The following KCNQ1 variants were observed in gnomAD, a reference collection of about 807,000 sequenced individuals.
KCNQ1 encodes the protein potassium voltage-gated channel subfamily KQT member 1.
In KCNQ1, 49 loss-of-function variants were observed where a neutral mutation model predicts 72.4. The ratio of observed to expected loss-of-function variants is 0.68; its 90% CI spans 0.54 to 0.86. KCNQ1 has a LOEUF of 0.86. Ranked by LOEUF, KCNQ1 falls within the 40% of genes least tolerant of loss-of-function variation. The pLI is 0.00. For synonymous variants in KCNQ1, 450 were observed against 412.6 expected (o/e 1.09, Z -1.10); for missense variants, 790 against 945.1 (o/e 0.84, Z 2.15).
intron 11 of KCNQ1, among the ~76,000 whole-genome samples, chr11:2,718,251 C>T (rs1411994469): frequency 6.6e-6 from 1 of 152,240 alleles, no homozygotes; most frequent in African/African-American, 2.4e-5. Context: ...TGTGCTTGCT[C>T]TGGGCTTCAG....
intron 1 of KCNQ1, among the ~76,000 whole-genome samples, chr11:2,454,658 T>G (rs1264827190): frequency 6.6e-6 from 1 of 152,042 alleles, no homozygotes; most frequent in African/African-American, 2.4e-5. Flanking sequence ...TAAACAGAAT[T>G]AAAAACAAAA....
rs998095445 is a variant in KCNQ1, at chr11:2,781,481, C to T, written c.1794+3444C>T. On this transcript the variant is annotated intron_variant, in intron 15 of 15. Transcript: ENST00000155840. The surrounding 1 kb of genome is among the most constrained non-coding windows in gnomAD (Gnocchi z 6.6). Reference sequence around the variant, plus strand: ...AGTGTGGGCCAGGGACCAATGCAGGCGGTCGGGAGAGGTCCGGAGAGAGCT... The same window carrying T: ...AGTGTGGGCCAGGGACCAATGCAGGTGGTCGGGAGAGGTCCGGAGAGAGCT... Among the ~76,000 whole-genome samples the T allele has an allele frequency of 2.6e-5, 4 of 152,326 alleles. No individual in the cohort carries two copies. The highest frequency in any genetic ancestry group is 2.1e-4 in the South Asian group (1 of 4,828).
In KCNQ1 at chr11:2,538,077, G is replaced by A. The variant is rs72847674; in HGVS notation, c.477+10059G>A. Reference sequence around the variant, plus strand: ...TTGGAGGCAGTATGACCGTTTCTCCGTATAAAGCCCGTGTATATCCTCTGG... The same window carrying A: ...TTGGAGGCAGTATGACCGTTTCTCCATATAAAGCCCGTGTATATCCTCTGG... On this transcript the variant is annotated intron_variant, in intron 2 of 15. Coordinates refer to ENST00000155840, the MANE Select transcript of KCNQ1 (RefSeq NM_000218.3). This position sits in a 1 kb window ranked among gnomAD's most constrained non-coding sequence, Gnocchi z 6.7. Among the ~76,000 whole-genome samples, 2 of 152,058 alleles carry A rather than the reference G, an allele frequency of 1.3e-5. No individual in the cohort carries two copies. Among genetic ancestry groups the A allele is most frequent in the African/African-American group, 2.4e-5 (1 of 41,398 alleles).
At chr11:2,831,037 G>A (rs1197573558) in intron 15 of KCNQ1, among the ~76,000 whole-genome samples, 1 of 152,220 alleles carries the variant, frequency 6.6e-6, no homozygotes, top group East Asian at 1.9e-4. Context: ...CGCCCAATGG[G>A]CCCCCTGAGG....
chr11:2,594,043 T>C (rs539784125), intron 10 of KCNQ1, among the ~76,000 whole-genome samples: 1 of 152,340 alleles, frequency 6.6e-6, no homozygotes, highest in Non-Finnish European at 1.5e-5. Context: ...CTGCATACAT[T>C]GAGATATTTA....
intron 11 of KCNQ1, chr11:2,665,074 G>A: frequency 2.5e-6 from 1 of 398,508 alleles, no homozygotes; most frequent in Non-Finnish European, 4.4e-6. Flanking sequence ...ACAAGCTGAG[G>A]CACGGGGTAC....
In KCNQ1 at chr11:2,583,426, T is replaced by A; in HGVS notation, c.922-9T>A. The A allele has an allele frequency of 6.2e-7, 1 of 1,600,366 alleles. No homozygotes were observed. Among genetic ancestry groups the A allele is most frequent in the Non-Finnish European group, 8.6e-7 (1 of 1,167,772 alleles). Reference sequence around the variant, plus strand: ...CATCCGTGGCTGACCACTGTCCCTCTCCCTGCAGGTCACAGTCACCACCAT... The same window carrying A: ...CATCCGTGGCTGACCACTGTCCCTCACCCTGCAGGTCACAGTCACCACCAT... On this transcript the variant is annotated splice_polypyrimidine_tract_variant and intron_variant, in intron 6 of 15. Coordinates refer to ENST00000155840, the MANE Select transcript of KCNQ1 (RefSeq NM_000218.3).
intron 15 of KCNQ1, among the ~76,000 whole-genome samples, chr11:2,812,412 T>C (rs1847507933): frequency 6.6e-6 from 1 of 151,874 alleles, no homozygotes; most frequent in Non-Finnish European, 1.5e-5. Context: ...GCTCGGGGGC[T>C]CCAGTTGAAA....
intron 15 of KCNQ1, among the ~76,000 whole-genome samples, chr11:2,814,413 G>C (rs1400253130): frequency 6.6e-6 from 1 of 151,466 alleles, no homozygotes; most frequent in Non-Finnish European, 1.5e-5. Context: ...AAGGATGGTG[G>C]GTGGGTGGAT....
chr11:2,835,987 C>T (rs1354016411), intron 15 of KCNQ1, among the ~76,000 whole-genome samples: 1 of 151,586 alleles, frequency 6.6e-6, no homozygotes, highest in African/African-American at 2.4e-5. Context: ...AGGTGGGAAT[C>T]GAAGTCATAG....
chr11:2,838,227 C>T (rs1164673125), intron 15 of KCNQ1, among the ~76,000 whole-genome samples: 1 of 152,242 alleles, frequency 6.6e-6, no homozygotes, highest in African/African-American at 2.4e-5. Context: ...TGGCTCACAG[C>T]CACTGGCAGG....
rs545512553 is a variant in KCNQ1, at chr11:2,726,726, C to T, written c.1515-42118C>T. Among the ~76,000 whole-genome samples, 6 of 152,268 alleles carry T rather than the reference C, an allele frequency of 3.9e-5. No individual in the cohort carries two copies. The South Asian group carries it at 6.2e-4, about 16-fold the overall frequency. On this transcript the variant is annotated intron_variant, in intron 11 of 15. Transcript: ENST00000155840. ...GCCTGAATAGGAGCTGACTTTAATA[C>T]GGGGGAAATAGTGATTTTAAAGCCG...
intron 15 of KCNQ1, among the ~76,000 whole-genome samples, chr11:2,835,736 G>A (rs1274506516): frequency 1.3e-5 from 2 of 152,204 alleles, no homozygotes; most frequent in East Asian, 3.8e-4. Context: ...GCCCTGGCAA[G>A]GGACTTAAGT....
intron 15 of KCNQ1, among the ~76,000 whole-genome samples, chr11:2,795,214 A>G (rs1847107396): frequency 1.3e-5 from 2 of 152,176 alleles, no homozygotes; most frequent in African/African-American, 2.4e-5. Context: ...TGTAGGGATG[A>G]GGTAGGAGTG....
Position 2,818,265 on chromosome 11 carries a change from C to T in KCNQ1, c.1795-29502C>T, listed in dbSNP as rs1032173566. Among the ~76,000 whole-genome samples the T allele has an allele frequency of 3.3e-5, 5 of 152,180 alleles. No homozygotes were observed. Among genetic ancestry groups the T allele is most frequent in the Middle Eastern group, 3.2e-3 (1 of 316 alleles). ...AGGAATGGCGTCCTTGTGCCCTTGT[C>T]ACCCACTCCTGTGGGTACACAGCTT... On this transcript the variant is annotated intron_variant, in intron 15 of 15. Coordinates refer to ENST00000155840, the MANE Select transcript of KCNQ1 (RefSeq NM_000218.3). This position sits in a 1 kb window ranked among gnomAD's most constrained non-coding sequence, Gnocchi z 7.2.
intron 6 of KCNQ1, among the ~76,000 whole-genome samples, chr11:2,577,942 A>G (rs1848447136): frequency 6.7e-6 from 1 of 150,108 alleles, no homozygotes; most frequent in South Asian, 2.1e-4. Context: ...CTCCACCTTC[A>G]TTGGCCCTGC....
chr11:2,549,580 C>T lies in KCNQ1; in HGVS notation c.478-21048C>T, dbSNP rs1177722417. Among the ~76,000 whole-genome samples, 1 of 150,138 alleles carries T rather than the reference C, an allele frequency of 6.7e-6. No individual in the cohort carries two copies. The highest frequency in any genetic ancestry group is 1.5e-5 in the Non-Finnish European group (1 of 67,844). ...CTGTTGTGGAGCCTCGTGACCTGCT[C>T]ATAGCACAGCTGGGACACTTCCAGT... On this transcript the variant is annotated intron_variant, in intron 2 of 15. Coordinates refer to ENST00000155840, the MANE Select transcript of KCNQ1 (RefSeq NM_000218.3). The surrounding 1 kb of genome is among the most constrained non-coding windows in gnomAD (Gnocchi z 6.2).
At chr11:2,635,684 T>C (rs1308833932) in intron 10 of KCNQ1, 4 of 152,178 alleles carry the variant, frequency 2.6e-5, no homozygotes, top group Admixed American at 2.0e-4. Context: ...TGGTTCCATA[T>C]GAACTTTAAA....
In KCNQ1 at chr11:2,651,027, G is replaced by T. The variant is rs1422998752; in HGVS notation, c.1394-10934G>T. 5.0e-6 allele frequency: 2 copies of T among 398,502 alleles called. No homozygotes were observed. Among genetic ancestry groups the T allele is most frequent in the East Asian group, 7.1e-5 (2 of 28,102 alleles). 24.7% of individuals were successfully genotyped at this position (398,502 alleles called of 1,614,324 possible). On this transcript the variant is annotated intron_variant, in intron 10 of 15. Transcript: ENST00000155840. This position sits in a 1 kb window ranked among gnomAD's most constrained non-coding sequence, Gnocchi z 6.1. ...ACCTAGTCTCTCCAGCTATCTCCCT[G>T]GTTAAAACCACCACCATTTCTCTGC...
Sources: allele counts gnomAD v4.1 joint callset (sites outside exome capture counted in the v4.1 genomes callset), GRCh38; gene constraint gnomAD v4.1.1; non-coding constraint Gnocchi (gnomAD v3.1); transcripts MANE v1.5; gene names NCBI Gene and HGNC (gene_info 2026-07-23, HGNC 2026-07-21).